The following SNX14 variants were observed in gnomAD, a reference collection of about 807,000 sequenced individuals.
SNX14 encodes sorting nexin 14.
In SNX14, 93 loss-of-function variants were observed where a neutral mutation model predicts 133.8. The ratio of observed to expected loss-of-function variants is 0.70; its 90% confidence interval spans 0.59 to 0.83. The LOEUF is 0.83. Among genes scored for constraint, SNX14 ranks in the 40% least tolerant of loss-of-function variants. The pLI is 0.00. For synonymous variants in SNX14, 368 were observed against 365.6 expected (o/e 1.01, Z -0.07); for missense variants, 945 against 1,094.9 (o/e 0.86, Z 1.93).
At chr6:85,534,354 G>C (rs1781193817) in intron 17 of SNX14, among the ~76,000 whole-genome samples, 1 of 152,160 alleles carries the variant, frequency 6.6e-6, no homozygotes, top group Admixed American at 6.6e-5. Context: ...AGTGAAACTG[G>C]AAACTTCTCT....
intron 7 of SNX14, among the ~76,000 whole-genome samples, chr6:85,555,100 A>G (rs1257943819): frequency 6.6e-6 from 1 of 151,996 alleles, no homozygotes; most frequent in East Asian, 1.9e-4. Context: ...GGGATTACCA[A>G]TGTGATATAT....
At chr6:85,578,293 G>C (rs1356008901) in intron 1 of SNX14, among the ~76,000 whole-genome samples, 1 of 152,090 alleles carries the variant, frequency 6.6e-6, no homozygotes, top group Non-Finnish European at 1.5e-5. Context: ...TTGTAGATTT[G>C]GTAACAAGAA....
intron 28 of SNX14, among the ~76,000 whole-genome samples, chr6:85,506,316 G>GA (rs1162325114): frequency 6.8e-6 from 1 of 146,938 alleles, no homozygotes; most frequent in African/African-American, 2.7e-5. Context: ...ACAATAACTT[G>GA]AAAATTTTTT....
intron 21 of SNX14, among the ~76,000 whole-genome samples, chr6:85,524,464 G>A (rs1028175990): frequency 7.2e-5 from 11 of 152,106 alleles, no homozygotes; most frequent in Non-Finnish European, 4.4e-5. Flanking sequence ...GAAGACTGAG[G>A]AGTGAGATGT....
At chr6:85,574,190 G>T in intron 2 of SNX14, 68 bp downstream of exon 2, 2 of 1,202,872 alleles carry the variant, frequency 1.7e-6, no homozygotes, top group Non-Finnish European at 2.2e-6. Flanking sequence ...GCTTTAGCAG[G>T]CTTTCAAATA....
intron 20 of SNX14, 131 bp from the exon 21 acceptor site, chr6:85,526,368 C>A (rs1212960722): frequency 3.2e-6 from 2 of 633,460 alleles, no homozygotes; most frequent in Admixed American, 3.3e-5. Context: ...AAAGCAACTG[C>A]ATTTTTAGAG....
Position 85,520,290 on chromosome 6 carries a change from A to T in SNX14, c.2108-2242T>A, listed in dbSNP as rs771991653. Among the ~76,000 whole-genome samples the T allele has an allele frequency of 1.0e-3, 150 of 150,312 alleles. 1 individual carries two copies. Among genetic ancestry groups the T allele is most frequent in the Admixed American group, 2.9e-3 (43 of 15,080 alleles). On this transcript the variant is annotated intron_variant, in intron 21 of 28. Transcript: ENST00000314673. Reference sequence around the variant, plus strand: ...ACTCCTGACCTCAAGTGATCCACCCACCTCGGCCTCCTAAAATGCTGGGAT... The same window carrying T: ...ACTCCTGACCTCAAGTGATCCACCCTCCTCGGCCTCCTAAAATGCTGGGAT...
rs201894576 is a variant in SNX14 at position 85,593,567 on chromosome 6, C to G, written c.140+12G>C. On this transcript the variant is annotated intron_variant, in intron 1 of 28. Transcript: ENST00000314673. ...GAAAAGCCGCCGCCCAGGCTCCGCG[C>G]TGCGGCGTTACCTGTTAAGAAGCAG... 1.2e-6 allele frequency: 2 copies of G among 1,604,576 alleles called. No individual in the cohort carries two copies. The highest frequency in any genetic ancestry group is 2.2e-5 in the East Asian group (1 of 44,596).
chr6:85,551,851 CAA>C (rs1422680762), intron 7 of SNX14, among the ~76,000 whole-genome samples: 1 of 152,072 alleles, frequency 6.6e-6, no homozygotes, highest in Non-Finnish European at 1.5e-5. Context: ...ATACTGATGA[CAA>C]AAGTTATGTT....
chr6:85,507,204 C>A, intron 28 of SNX14, 29 bp downstream of exon 28: 1 of 1,577,044 alleles, frequency 6.3e-7, no homozygotes, highest in South Asian at 1.1e-5. Flanking sequence ...TTAAGAAAAT[C>A]ATGAATAAAA....
At chr6:85,561,452 A>G (rs997029704) in intron 6 of SNX14, 1 of 152,220 alleles carries the variant, frequency 6.6e-6, no homozygotes, top group Admixed American at 6.5e-5. Context: ...ATTTTGATAA[A>G]TCAATTTTTA....
At chr6:85,564,620 T>A (rs1465512730) in intron 6 of SNX14, among the ~76,000 whole-genome samples, 1 of 152,154 alleles carries the variant, frequency 6.6e-6, no homozygotes, top group Non-Finnish European at 1.5e-5. Flanking sequence ...GATCGATGGA[T>A]CAAAAATTAT....
At chr6:85,534,036 C>T (rs113483268) in intron 17 of SNX14, among the ~76,000 whole-genome samples, 77 of 152,194 alleles carry the variant, frequency 5.1e-4, no homozygotes, top group African/African-American at 1.6e-3. Context: ...TATAATAGGC[C>T]GGGGACAGCG....
rs189539937 is a variant in SNX14 at position 85,582,518 on chromosome 6, C to T, written c.141-8140G>A. The stretch of plus-strand genomic sequence containing the variant: ...CGATTTTTTTTTTTGAAAAGATTAG[C>T]AAAATAGACCACTAGCCAGACTAAT... On this transcript the variant is annotated intron_variant, in intron 1 of 28. Transcript: ENST00000314673. Among the ~76,000 whole-genome samples, 398 of 150,252 alleles carry T rather than the reference C, an allele frequency of 2.6e-3. 1 individual carries two copies. The highest frequency in any genetic ancestry group is 4.8e-3 in the Non-Finnish European group (324 of 67,568).
At chr6:85,539,976 T>TTTTATTTTATTTTATTTTAC (rs1162122928) in intron 15 of SNX14, among the ~76,000 whole-genome samples, 78 of 147,074 alleles carry the variant, frequency 5.3e-4, no homozygotes, top group African/African-American at 1.9e-3. Context: ...TTTTATTTTA[T>TTTTATTTTATTTTATTTTAC]TTTAATTGAG....
At chr6:85,548,221 T>C (rs1201991515) in intron 9 of SNX14, 80 bp downstream of exon 9, 3 of 998,758 alleles carry the variant, frequency 3.0e-6, no homozygotes, top group Non-Finnish European at 4.5e-6. Flanking sequence ...TCACTGACTA[T>C]ATACATAAAA....
intron 4 of SNX14, 37 bp from the exon 5 acceptor site, chr6:85,567,614 T>G: frequency 7.2e-7 from 1 of 1,386,158 alleles, no homozygotes; most frequent in Non-Finnish European, 9.7e-7. Context: ...AAAATAAAAT[T>G]AATTAGTTTT....
At chr6:85,512,828 A>AG (rs1191432032) in intron 26 of SNX14, among the ~76,000 whole-genome samples, 1 of 152,076 alleles carries the variant, frequency 6.6e-6, no homozygotes, top group African/African-American at 2.4e-5. Context: ...CTTGGGGGGC[A>AG]GTGGCTTGCC....
At chr6:85,555,536 A>G (rs989725959) in intron 7 of SNX14, among the ~76,000 whole-genome samples, 5 of 152,252 alleles carry the variant, frequency 3.3e-5, no homozygotes, top group African/African-American at 7.2e-5. Flanking sequence ...TAGAGACAGT[A>G]AAAAGATCAG....
Sources: gnomAD v4.1 joint callset for allele counts (sites outside exome capture counted in the v4.1 genomes callset) on GRCh38, gnomAD v4.1.1 for gene constraint, MANE v1.5 for transcripts, NCBI Gene and HGNC (gene_info 2026-07-23, HGNC 2026-07-21) for gene names.